Variants in IGFL2 observed in about 807,000 individuals in gnomAD.
IGFL2 encodes IGF like family member 2, also known as insulin growth factor-like family member 2.
In IGFL2, 7 loss-of-function variants were observed where a neutral mutation model predicts 13.9. The ratio of observed to expected loss-of-function variants is 0.51; its 90% CI spans 0.29 to 0.95. The LOEUF is 0.95. Ranked by LOEUF, IGFL2 falls within the 40% of genes least tolerant of loss-of-function variation. The pLI, the probability that IGFL2 is intolerant of heterozygous loss-of-function variation, is 0.08. For synonymous variants in IGFL2, 55 were observed against 55.8 expected (o/e 0.99, Z 0.07); for missense variants, 138 against 147.8 (o/e 0.93, Z 0.34).
chr19:46,192,493 C>T, the IGFL2 span, among the ~76,000 whole-genome samples: 1 of 150,762 alleles, frequency 6.6e-6, no homozygotes, highest in Admixed American at 6.6e-5. Context: ...GATCTCAGCT[C>T]ACTGCAACCT....
chr19:46,124,276 C>T, the IGFL2 span: 9 of 1,610,626 alleles, frequency 5.6e-6, no homozygotes, highest in African/African-American at 1.1e-4. Flanking sequence ...ACCTGTAGTT[C>T]CTTTTGAACA....
At chr19:46,148,940 C>T (rs1440844106) in intron 1 of IGFL2, 1 of 1,564,724 alleles carries the variant, frequency 6.4e-7, no homozygotes, top group African/African-American at 1.4e-5. Flanking sequence ...CCCTGTAGCC[C>T]AGGCACTATT....
the IGFL2 span, chr19:46,210,372 C>T: frequency 0.081 from 12,322 of 152,166 alleles, 600 homozygotes; most frequent in Middle Eastern, 0.17. Flanking sequence ...TGTGCTAAGT[C>T]GAGGGCAGTG....
At chr19:46,195,446 A>G in the IGFL2 span, among the ~76,000 whole-genome samples, 2 of 152,308 alleles carry the variant, frequency 1.3e-5, no homozygotes, top group East Asian at 1.9e-4. Context: ...TGCCCTTCTC[A>G]TAGAGAAACA....
rs551571840 is a variant in IGFL2, at chr19:46,153,231, T to G, written c.19+4934T>G. Among the ~76,000 whole-genome samples the G allele has an allele frequency of 8.3e-4, 127 of 152,354 alleles. 2 individuals carry two copies. The Middle Eastern group carries it at 0.017, about 20-fold the overall frequency. On this transcript the variant is annotated intron_variant, in intron 1 of 3. Coordinates refer to ENST00000377693, the MANE Select transcript of IGFL2 (RefSeq NM_001135113.2). ...GTTTTTTTGAAAAGTTTGTGAATGA[T>G]TGGTATTAAGCCTTCTTTAATTGTT...
the IGFL2 span, chr19:46,136,795 CA>C: frequency 1.5e-6 from 1 of 668,998 alleles, no homozygotes; most frequent in South Asian, 1.4e-5. Flanking sequence ...CGTTTGAGTG[CA>C]ACATTCACTA....
At chr19:46,116,925 A>G in the IGFL2 span, among the ~76,000 whole-genome samples, 1 of 152,064 alleles carries the variant, frequency 6.6e-6, no homozygotes, top group South Asian at 2.1e-4. Flanking sequence ...TACAACTTAC[A>G]CAAGTTAAAT....
At chr19:46,124,698 G>T in the IGFL2 span, 2 of 1,533,050 alleles carry the variant, frequency 1.3e-6, no homozygotes, top group African/African-American at 2.8e-5. Context: ...TAAAAGGCTG[G>T]AACTTATGGA....
chr19:46,178,602 C>T, the IGFL2 span, among the ~76,000 whole-genome samples: 12 of 152,194 alleles, frequency 7.9e-5, no homozygotes, highest in Admixed American at 4.6e-4. Context: ...CTGAAGCCTG[C>T]TACCTTGAGA....
At chr19:46,130,482 A>G in the IGFL2 span, among the ~76,000 whole-genome samples, 1 of 152,206 alleles carries the variant, frequency 6.6e-6, no homozygotes, top group African/African-American at 2.4e-5. Flanking sequence ...GTTATTTAAA[A>G]TATGGCATTT....
chr19:46,200,509 C>CTTTTCTTTTCTTTTCTTTTCTCTTT, the IGFL2 span, among the ~76,000 whole-genome samples: 1 of 37,182 alleles, frequency 2.7e-5, no homozygotes, highest in Non-Finnish European at 7.2e-5. Flanking sequence ...CTTTTCTTTT[C>CTTTTCTTTTCTTTTCTTTTCTCTTT]TCTTTTCTTT....
chr19:46,133,776 C>T, the IGFL2 span, among the ~76,000 whole-genome samples: 1 of 152,208 alleles, frequency 6.6e-6, no homozygotes, highest in East Asian at 1.9e-4. Context: ...GGAACCTCTA[C>T]TTATTTTATT....
the IGFL2 span, among the ~76,000 whole-genome samples, chr19:46,096,387 C>G: frequency 6.6e-6 from 1 of 152,068 alleles, no homozygotes; most frequent in African/African-American, 2.4e-5. Context: ...TGAGACTTTG[C>G]TGAAGTTGCT....
chr19:46,084,841 T>A, the IGFL2 span, among the ~76,000 whole-genome samples: 2 of 152,146 alleles, frequency 1.3e-5, no homozygotes, highest in Non-Finnish European at 2.9e-5. Context: ...AATACAAAGA[T>A]CCAGACCATA....
At chr19:46,172,630 T>G in the IGFL2 span, among the ~76,000 whole-genome samples, 88 of 152,258 alleles carry the variant, frequency 5.8e-4, no homozygotes, top group Non-Finnish European at 1.1e-3. Context: ...AAGAGGAAAT[T>G]TTTAAATGCC....
chr19:46,118,859 C>T, the IGFL2 span, among the ~76,000 whole-genome samples: 1 of 152,100 alleles, frequency 6.6e-6, no homozygotes, highest in Non-Finnish European at 1.5e-5. Context: ...GGTTGCAGGC[C>T]CAAGGTGCAG....
the IGFL2 span, among the ~76,000 whole-genome samples, chr19:46,096,501 A>G: frequency 6.6e-6 from 1 of 152,086 alleles, no homozygotes; most frequent in Non-Finnish European, 1.5e-5. Flanking sequence ...TCCTATTTGA[A>G]TACTCTTTAT....
the IGFL2 span, among the ~76,000 whole-genome samples, chr19:46,115,299 A>C: frequency 1.3e-5 from 2 of 152,188 alleles, no homozygotes; most frequent in East Asian, 1.9e-4. Flanking sequence ...CCTGGTTTGC[A>C]AGCCAGAAAC....
intron 1 of IGFL2, among the ~76,000 whole-genome samples, chr19:46,155,939 A>G (rs893243164): frequency 6.6e-6 from 1 of 152,118 alleles, no homozygotes; most frequent in Non-Finnish European, 1.5e-5. Context: ...TAGTTTCTTC[A>G]ATATTGTATT....
Sources: gnomAD v4.1 joint callset for allele counts (sites outside exome capture counted in the v4.1 genomes callset) on GRCh38, gnomAD v4.1.1 for gene constraint, MANE v1.5 for transcripts, NCBI Gene and HGNC (gene_info 2026-07-23, HGNC 2026-07-21) for gene names.